Variants in MGMT observed in about 807,000 individuals in gnomAD.
MGMT encodes methylated-DNA--protein-cysteine methyltransferase.
MGMT carries 14 observed loss-of-function variants against 15.9 expected under a neutral mutation model. That is an observed-to-expected ratio of 0.88 (90% CI 0.58 to 1.37). The LOEUF is 1.37. Ranked by LOEUF, MGMT falls within the 40% of genes most tolerant of loss-of-function variation. MGMT has a pLI of 0.00. For synonymous variants in MGMT, 130 were observed against 118.2 expected, an observed-to-expected ratio of 1.10 and a Z score of -0.65; for missense variants, 282 against 268.1, an observed-to-expected ratio of 1.05 and a Z score of -0.36.
intron 3 of MGMT, among the ~76,000 whole-genome samples, chr10:129,730,241 ACT>A: frequency 6.6e-6 from 1 of 152,148 alleles, no homozygotes; most frequent in Admixed American, 6.5e-5. Flanking sequence ...TGGAGCTGAA[ACT>A]CACTACCAAC....
chr10:129,726,045 C>T (rs1302095471), intron 3 of MGMT, among the ~76,000 whole-genome samples: 1 of 152,060 alleles, frequency 6.6e-6, no homozygotes, highest in African/African-American at 2.4e-5. Context: ...ACAGCCTGGC[C>T]ATGGCTCAGG....
chr10:129,699,376 A>G (rs999395698), intron 2 of MGMT, among the ~76,000 whole-genome samples: 1 of 152,146 alleles, frequency 6.6e-6, no homozygotes, highest in Non-Finnish European at 1.5e-5. Context: ...TTAAAATACT[A>G]TGGTAAATAC....
rs1847866318 is a variant in MGMT at position 129,682,705 on chromosome 10, A to G, written c.126-25190A>G. Among the ~76,000 whole-genome samples the G allele has an allele frequency of 2.0e-5, 3 of 152,232 alleles. No homozygotes were observed. In the South Asian group the frequency reaches 6.2e-4, roughly 32 times the overall value. ...TAGTTTAGTTAGATGTATTGTATCAATGCCAGCTTCCTGGTTTTGGTAACG... is the reference window on the plus strand; with the variant it reads ...TAGTTTAGTTAGATGTATTGTATCAGTGCCAGCTTCCTGGTTTTGGTAACG... On this transcript the variant is annotated intron_variant, in intron 2 of 4. Coordinates refer to ENST00000651593, the MANE Select transcript of MGMT (RefSeq NM_002412.5).
chr10:129,510,306 A>G (rs747964326), intron 1 of MGMT, among the ~76,000 whole-genome samples: 19 of 152,164 alleles, frequency 1.2e-4, no homozygotes, highest in Non-Finnish European at 2.6e-4. Context: ...TGGAATTGAC[A>G]CCTGAGAATG....
chr10:129,520,729 G>A (rs1474445821), intron 1 of MGMT, among the ~76,000 whole-genome samples: 2 of 151,102 alleles, frequency 1.3e-5, no homozygotes, highest in African/African-American at 4.9e-5. Flanking sequence ...CCCCTATGGT[G>A]CGGGTACAGA....
chr10:129,678,793 C>T (rs1847814796), intron 2 of MGMT, among the ~76,000 whole-genome samples: 2 of 152,058 alleles, frequency 1.3e-5, no homozygotes, highest in African/African-American at 4.8e-5. Context: ...TAGGAAGAGC[C>T]GGGCATGGTG....
At chr10:129,704,902 G>A (rs528028014) in intron 2 of MGMT, among the ~76,000 whole-genome samples, 9 of 152,044 alleles carry the variant, frequency 5.9e-5, no homozygotes, top group Non-Finnish European at 1.0e-4. Flanking sequence ...TTCCGTCGCC[G>A]CCCCTGCTGT....
At chr10:129,577,865 G>T (rs1049888045) in intron 2 of MGMT, among the ~76,000 whole-genome samples, 4 of 152,100 alleles carry the variant, frequency 2.6e-5, no homozygotes, top group Admixed American at 2.0e-4. Flanking sequence ...ATCAAAAAGT[G>T]GGCAAAGGAT....
Position 129,769,665 on chromosome 10 carries a change from C to G in MGMT, c.*2668C>G, listed in dbSNP as rs77298937. Among the ~76,000 whole-genome samples the G allele has an allele frequency of 6.6e-6, 1 of 152,154 alleles. No homozygotes were observed. Among genetic ancestry groups the G allele is most frequent in the Admixed American group, 6.5e-5 (1 of 15,278 alleles). On this transcript the variant is annotated 3_prime_UTR_variant, in exon 5 of 5. Coordinates refer to ENST00000651593, the MANE Select transcript of MGMT (RefSeq NM_002412.5). Reference sequence around the variant, plus strand: ...TGGCAAAATAAGTTGCCTTTGGCCACGCAGGAGACTGAGTTTTGTGAGGGG... The same window carrying G: ...TGGCAAAATAAGTTGCCTTTGGCCAGGCAGGAGACTGAGTTTTGTGAGGGG...
chr10:129,594,101 T>C (rs1589884414), intron 2 of MGMT, among the ~76,000 whole-genome samples: 1 of 152,106 alleles, frequency 6.6e-6, no homozygotes, highest in Non-Finnish European at 1.5e-5. Flanking sequence ...GAGTGATCTG[T>C]GGGGGCAGCC....
intron 2 of MGMT, among the ~76,000 whole-genome samples, chr10:129,590,587 T>G (rs1846672109): frequency 6.6e-6 from 1 of 152,236 alleles, no homozygotes; most frequent in Non-Finnish European, 1.5e-5. Context: ...TTTTTGTGGA[T>G]CTAGCCAAGA....
chr10:129,712,886 A>T (rs537633484), intron 3 of MGMT, among the ~76,000 whole-genome samples: 3 of 152,256 alleles, frequency 2.0e-5, no homozygotes, highest in Admixed American at 2.0e-4. Context: ...GCCCAAGTAG[A>T]TGGCCTCCCC....
chr10:129,708,358 A>G (rs1252861038), intron 3 of MGMT, among the ~76,000 whole-genome samples: 1 of 152,200 alleles, frequency 6.6e-6, no homozygotes, highest in African/African-American at 2.4e-5. Context: ...TTTTTCAATA[A>G]GCTTATTGTG....
intron 2 of MGMT, among the ~76,000 whole-genome samples, chr10:129,602,517 T>TA (rs1472678965): frequency 6.6e-6 from 1 of 152,186 alleles, no homozygotes; most frequent in East Asian, 1.9e-4. Flanking sequence ...CTTGTGAACT[T>TA]ACAAATCTGT....
chr10:129,610,042 G>A (rs1846941490), intron 2 of MGMT, among the ~76,000 whole-genome samples: 1 of 152,126 alleles, frequency 6.6e-6, no homozygotes, highest in Admixed American at 6.5e-5. Flanking sequence ...TGCTTTGGAG[G>A]TATTTTGATA....
chr10:129,708,450 T>A (rs1848193644), intron 3 of MGMT, among the ~76,000 whole-genome samples: 1 of 152,182 alleles, frequency 6.6e-6, no homozygotes, highest in African/African-American at 2.4e-5. Flanking sequence ...ACTCTGTTGG[T>A]GACACTTACA....
At chr10:129,540,857 G>A (rs563158724) in intron 2 of MGMT, among the ~76,000 whole-genome samples, 3 of 152,188 alleles carry the variant, frequency 2.0e-5, no homozygotes, top group Non-Finnish European at 4.4e-5. Context: ...GTAGAATTGG[G>A]TGCTGCCTTC....
At chr10:129,525,717 A>G (rs1407576894) in intron 1 of MGMT, among the ~76,000 whole-genome samples, 2 of 152,188 alleles carry the variant, frequency 1.3e-5, no homozygotes, top group African/African-American at 4.8e-5. Context: ...CCAAGACATG[A>G]GCAGCGTTTG....
chr10:129,516,470 G>A (rs984626226), intron 1 of MGMT, among the ~76,000 whole-genome samples: 5 of 152,158 alleles, frequency 3.3e-5, no homozygotes, highest in Admixed American at 3.3e-4. Context: ...CCGGCATGGT[G>A]TTTCCAGAAA....
Sources: allele counts gnomAD v4.1 joint callset (sites outside exome capture counted in the v4.1 genomes callset), GRCh38; gene constraint gnomAD v4.1.1; transcripts MANE v1.5; gene names NCBI Gene and HGNC (gene_info 2026-07-23, HGNC 2026-07-21).